LRCH1: variants seen among roughly 807,000 people sequenced by gnomAD.
The protein encoded by LRCH1 is leucine rich repeats and calponin homology domain containing 1.
LRCH1 carries 23 observed loss-of-function variants against 94.9 expected under a neutral mutation model. That is an observed-to-expected ratio of 0.24 (90% CI 0.17 to 0.34). The LOEUF is 0.34. Among genes scored for constraint, LRCH1 ranks in the 10% least tolerant of loss-of-function variants. LRCH1 has a pLI of 1.00. For missense variants in LRCH1, 790 were observed against 945.9 expected, an observed-to-expected ratio of 0.84 and a Z score of 2.16; for synonymous variants, 364 against 354.9, an observed-to-expected ratio of 1.03 and a Z score of -0.29.
At chr13:46,725,634 G>A (rs9534477) in intron 17 of LRCH1, among the ~76,000 whole-genome samples, 164 of 152,314 alleles carry the variant, frequency 1.1e-3, no homozygotes, top group Non-Finnish European at 2.1e-3. Flanking sequence ...ATTAAATTAG[G>A]ATAGGTCAGC....
intron 15 of LRCH1, among the ~76,000 whole-genome samples, chr13:46,712,920 C>G (rs749678403): frequency 3.3e-5 from 5 of 152,082 alleles, no homozygotes; most frequent in Non-Finnish European, 5.9e-5. Context: ...CCCAGTGGTT[C>G]CTGCTGCTCG....
chr13:46,727,351 CAG>C (rs898283455), intron 17 of LRCH1, among the ~76,000 whole-genome samples: 6 of 152,098 alleles, frequency 3.9e-5, no homozygotes, highest in African/African-American at 1.4e-4. Context: ...AGAGAGAAAA[CAG>C]ATTGAAAAAT....
In LRCH1 at chr13:46,563,340, A is replaced by C. The variant is rs2050149172; in HGVS notation, c.307+9637A>C. On this transcript the variant is annotated intron_variant, in intron 1 of 19. Transcript: ENST00000389797. The stretch of plus-strand genomic sequence containing the variant: ...AGCCTTTCAGCCCTTAGCCAAATGG[A>C]ATTTCTTCCTTTTTTTTTTAAGTAT... 1.3e-5 allele frequency among the ~76,000 whole-genome samples: 2 copies of C among 152,098 alleles called. 1 individual carries two copies. Among genetic ancestry groups the C allele is most frequent in the South Asian group, 4.2e-4 (2 of 4,814 alleles).
chr13:46,594,720 A>G (rs2050540093), intron 1 of LRCH1, among the ~76,000 whole-genome samples: 1 of 152,224 alleles, frequency 6.6e-6, no homozygotes, highest in South Asian at 2.1e-4. Context: ...GCTTCGCTTA[A>G]TTTTGGTGAA....
chr13:46,624,873 G>A (rs1187749400), intron 1 of LRCH1, among the ~76,000 whole-genome samples: 1 of 152,290 alleles, frequency 6.6e-6, no homozygotes, highest in East Asian at 1.9e-4. Context: ...ATTTACTTGT[G>A]GAGTGAAATT....
chr13:46,617,534 G>A (rs562871600), intron 1 of LRCH1, among the ~76,000 whole-genome samples: 8 of 152,300 alleles, frequency 5.3e-5, no homozygotes, highest in East Asian at 1.9e-4. Context: ...TAAGACACCC[G>A]GCCCCTGCCT....
At chr13:46,574,250 T>A (rs1231406707) in intron 1 of LRCH1, among the ~76,000 whole-genome samples, 2 of 152,106 alleles carry the variant, frequency 1.3e-5, no homozygotes, top group African/African-American at 4.8e-5. Flanking sequence ...AAATGATGGA[T>A]ACCCATTTAT....
At chr13:46,564,787 G>A (rs1374570696) in intron 1 of LRCH1, among the ~76,000 whole-genome samples, 2 of 152,230 alleles carry the variant, frequency 1.3e-5, no homozygotes, top group African/African-American at 4.8e-5. Context: ...TGTTAGAAGC[G>A]AAAATGCTCT....
At chr13:46,568,630 A>G (rs535021092) in intron 1 of LRCH1, among the ~76,000 whole-genome samples, 3 of 152,222 alleles carry the variant, frequency 2.0e-5, no homozygotes, top group East Asian at 1.9e-4. Flanking sequence ...AAAATATTGC[A>G]TACATAGGAA....
At position 46,638,413 on chromosome 13, in the gene LRCH1, C is replaced by T. The variant is rs200935194; in HGVS notation, c.308-11788C>T. Among the ~76,000 whole-genome samples, 12 of 152,198 alleles carry T rather than the reference C, an allele frequency of 7.9e-5. No homozygotes were observed. In the East Asian group the frequency reaches 1.3e-3, roughly 17 times the overall value. ...TTGAATAGCTTTTGAATTTTTATCT[C>T]GTTTGAAATTAACCAGTTACTGATG... On this transcript the variant is annotated intron_variant, in intron 1 of 19. Transcript: ENST00000389797.
At chr13:46,736,928 G>A (rs1041379765) in intron 19 of LRCH1, among the ~76,000 whole-genome samples, 10 of 152,178 alleles carry the variant, frequency 6.6e-5, no homozygotes, top group South Asian at 2.1e-4. Context: ...CCATAGTCAG[G>A]GTCAGCAGTT....
chr13:46,631,999 C>T (rs549286307), intron 1 of LRCH1, among the ~76,000 whole-genome samples: 20 of 152,182 alleles, frequency 1.3e-4, no homozygotes, highest in South Asian at 4.2e-4. Flanking sequence ...GTCAGGAGTT[C>T]GAGACCAGCC....
At chr13:46,655,174 G>A (rs149018435) in intron 2 of LRCH1, among the ~76,000 whole-genome samples, 279 of 152,192 alleles carry the variant, frequency 1.8e-3, no homozygotes, top group Middle Eastern at 3.4e-3. Flanking sequence ...TGATGGTGGC[G>A]GTGGTGGTGA....
chr13:46,736,667 T>C (rs1873401202), intron 19 of LRCH1, among the ~76,000 whole-genome samples: 1 of 152,210 alleles, frequency 6.6e-6, no homozygotes, highest in African/African-American at 2.4e-5. Context: ...ATTTGAGTAA[T>C]AAAATATTCA....
chr13:46,651,120 A>G (rs991648038), intron 2 of LRCH1, among the ~76,000 whole-genome samples: 10 of 152,222 alleles, frequency 6.6e-5, no homozygotes, highest in African/African-American at 2.2e-4. Flanking sequence ...CTGTTTCATC[A>G]AATATATCTT....
rs950304525 is a variant in LRCH1 at position 46,739,025 on chromosome 13, G to C, written c.2086-2617G>C. ...AACATTCTTATATTATGATATTTTA[G>C]ATTAAAAAATACTTTGTAAGCATAT... On this transcript the variant is annotated intron_variant, in intron 19 of 19. Coordinates refer to ENST00000389797, the MANE Select transcript of LRCH1 (RefSeq NM_001164211.2). Among the ~76,000 whole-genome samples, 3 of 152,114 alleles carry C rather than the reference G, an allele frequency of 2.0e-5. No individual in the cohort carries two copies. In the South Asian group the frequency reaches 6.2e-4, roughly 32 times the overall value.
At chr13:46,693,105 G>A (rs1250592300) in intron 8 of LRCH1, among the ~76,000 whole-genome samples, 1 of 151,738 alleles carries the variant, frequency 6.6e-6, no homozygotes, top group African/African-American at 2.4e-5. Flanking sequence ...CCGAGTAGCT[G>A]GGATTACAGG....
chr13:46,680,952 G>C (rs929407674), intron 3 of LRCH1, among the ~76,000 whole-genome samples: 4 of 152,154 alleles, frequency 2.6e-5, no homozygotes, highest in African/African-American at 9.7e-5. Flanking sequence ...GGGGTGTGTG[G>C]GGGAGTGAAG....
At chr13:46,675,596 A>G (rs7322621) in intron 3 of LRCH1, among the ~76,000 whole-genome samples, 81 of 152,220 alleles carry the variant, frequency 5.3e-4, no homozygotes, top group African/African-American at 1.9e-3. Flanking sequence ...TTTGGATTCA[A>G]AGATTGATTA....
Sources: allele counts gnomAD v4.1 joint callset (sites outside exome capture counted in the v4.1 genomes callset), GRCh38; gene constraint gnomAD v4.1.1; transcripts MANE v1.5; gene names NCBI Gene and HGNC (gene_info 2026-07-23, HGNC 2026-07-21).